DPP10: variants seen among roughly 807,000 people sequenced by gnomAD.
DPP10 encodes the protein dipeptidyl peptidase like 10.
Under a neutral mutation model 120.9 loss-of-function variants are expected in DPP10, and 33 were observed. The observed-to-expected ratio is 0.27, with a 90% CI of 0.21 to 0.37. The LOEUF is 0.37. Ranked by LOEUF, DPP10 falls within the 10% of genes least tolerant of loss-of-function variation. The pLI, the probability that DPP10 is intolerant of heterozygous loss-of-function variation, is 1.00. For missense variants in DPP10, 816 were observed against 942.8 expected, an observed-to-expected ratio of 0.87 and a Z score of 1.76; for synonymous variants, 337 against 326.1, an observed-to-expected ratio of 1.03 and a Z score of -0.36.
chr2:115,709,584 A>G (rs1482425316), intron 7 of DPP10, among the ~76,000 whole-genome samples: 1 of 150,188 alleles, frequency 6.7e-6, no homozygotes, highest in Non-Finnish European at 1.5e-5. Context: ...ATTAAAAAGA[A>G]GAAAATGGAC....
chr2:115,340,865 C>G (rs1389365159), intron 2 of DPP10, among the ~76,000 whole-genome samples: 1 of 151,754 alleles, frequency 6.6e-6, no homozygotes, highest in Non-Finnish European at 1.5e-5. Flanking sequence ...CCACCTTTAC[C>G]TATGTAAATT....
At chr2:115,697,871 G>T (rs551232902) in intron 7 of DPP10, among the ~76,000 whole-genome samples, 14 of 152,122 alleles carry the variant, frequency 9.2e-5, no homozygotes, top group Non-Finnish European at 1.9e-4. Context: ...TGTAGTCCCA[G>T]TTACTCTGAA....
intron 13 of DPP10, among the ~76,000 whole-genome samples, chr2:115,775,361 A>G (rs986700276): frequency 1.3e-5 from 2 of 152,072 alleles, no homozygotes; most frequent in Non-Finnish European, 2.9e-5. Flanking sequence ...TAACTTGGAC[A>G]GTTCCAAAGT....
At chr2:115,229,813 T>C (rs1427597594) in intron 1 of DPP10, among the ~76,000 whole-genome samples, 3 of 151,848 alleles carry the variant, frequency 2.0e-5, no homozygotes, top group African/African-American at 7.2e-5. Context: ...CTCTGAAGTA[T>C]AATTTGAAGT....
chr2:114,803,242 A>G (rs1684425273), intron 1 of DPP10, among the ~76,000 whole-genome samples: 1 of 152,234 alleles, frequency 6.6e-6, no homozygotes. Flanking sequence ...AGACCTCCCC[A>G]GCCATGTGGA....
intron 1 of DPP10, among the ~76,000 whole-genome samples, chr2:114,700,439 T>G (rs905556163): frequency 1.3e-5 from 2 of 152,078 alleles, no homozygotes; most frequent in African/African-American, 4.8e-5. Context: ...AGTAAAAATA[T>G]TTGTCAGGAA....
chr2:115,568,979 A>T (rs866854447), intron 5 of DPP10, among the ~76,000 whole-genome samples: 1 of 152,180 alleles, frequency 6.6e-6, no homozygotes, highest in African/African-American at 2.4e-5. Flanking sequence ...GATATGTGAT[A>T]GTCTTCCTTA....
intron 1 of DPP10, among the ~76,000 whole-genome samples, chr2:114,698,490 A>G (rs1700196928): frequency 6.6e-6 from 1 of 152,148 alleles, no homozygotes; most frequent in African/African-American, 2.4e-5. Context: ...ATTTTTAGCT[A>G]TTAACTTTTA....
At chr2:115,635,760 A>T (rs568317439) in intron 5 of DPP10, among the ~76,000 whole-genome samples, 2 of 152,290 alleles carry the variant, frequency 1.3e-5, no homozygotes, top group African/African-American at 4.8e-5. Flanking sequence ...GTCAGCACAT[A>T]ATTTTAGACA....
At chr2:114,690,621 A>T (rs1345914332) in intron 1 of DPP10, among the ~76,000 whole-genome samples, 1 of 152,142 alleles carries the variant, frequency 6.6e-6, no homozygotes, top group Non-Finnish European at 1.5e-5. Context: ...TCTGTGAAGA[A>T]TGTAAATGGT....
intron 1 of DPP10, among the ~76,000 whole-genome samples, chr2:114,681,440 T>A (rs1699018725): frequency 6.6e-6 from 1 of 151,992 alleles, no homozygotes; most frequent in Non-Finnish European, 1.5e-5. Context: ...AAAATAGCAT[T>A]TATCATCTAT....
chr2:114,491,709 C>T (rs1226589584), intron 1 of DPP10, among the ~76,000 whole-genome samples: 1 of 152,196 alleles, frequency 6.6e-6, no homozygotes, highest in Non-Finnish European at 1.5e-5. Flanking sequence ...CATAAAAATA[C>T]ATGCTCTCAA....
At chr2:115,186,067 A>G (rs1446357635) in intron 1 of DPP10, among the ~76,000 whole-genome samples, 1 of 152,246 alleles carries the variant, frequency 6.6e-6, no homozygotes, top group East Asian at 1.9e-4. Context: ...TGAACTTTTA[A>G]AAAGTCTATT....
chr2:115,184,835 G>A (rs926929282), intron 1 of DPP10, among the ~76,000 whole-genome samples: 4 of 152,144 alleles, frequency 2.6e-5, no homozygotes, highest in Admixed American at 6.5e-5. Context: ...TAATCTAGTA[G>A]AAGCTATTGT....
intron 1 of DPP10, among the ~76,000 whole-genome samples, chr2:115,244,966 C>T (rs1481415252): frequency 6.6e-6 from 1 of 151,818 alleles, no homozygotes; most frequent in Non-Finnish European, 1.5e-5. Context: ...TCAGTGTACC[C>T]AATGTATAGC....
chr2:115,443,826 T>A (rs989323199), intron 3 of DPP10, among the ~76,000 whole-genome samples: 15 of 152,194 alleles, frequency 9.9e-5, no homozygotes, highest in Non-Finnish European at 1.8e-4. Flanking sequence ...GTTTCTCAAC[T>A]TGAGCACTAT....
rs918403479 is a variant in DPP10 at position 115,837,496 on chromosome 2, A to G, written c.2182+750A>G. 1.1e-4 allele frequency among the ~76,000 whole-genome samples: 16 copies of G among 152,338 alleles called. No homozygotes were observed. In the South Asian group the frequency reaches 3.3e-3, roughly 32 times the overall value. ...TCTGGCAAGTGAGACAAGAAAGTCA[A>G]AGTCTTGAATCAATATTTCCTAAAT... On this transcript the variant is annotated intron_variant, in intron 24 of 25. Coordinates refer to ENST00000410059, the MANE Select transcript of DPP10 (RefSeq NM_020868.6).
chr2:115,041,657 C>T (rs1704654736), intron 1 of DPP10, among the ~76,000 whole-genome samples: 1 of 152,094 alleles, frequency 6.6e-6, no homozygotes, highest in Non-Finnish European at 1.5e-5. Flanking sequence ...ACAGTGGAGC[C>T]CATTCACTCT....
chr2:114,824,610 G>GTT (rs535502938), intron 1 of DPP10, among the ~76,000 whole-genome samples: 2 of 147,378 alleles, frequency 1.4e-5, no homozygotes, highest in African/African-American at 4.9e-5. Flanking sequence ...TTCCATGTTA[G>GTT]TTTTTTTTTT....
Sources: gnomAD v4.1 joint callset for allele counts (sites outside exome capture counted in the v4.1 genomes callset) on GRCh38, gnomAD v4.1.1 for gene constraint, MANE v1.5 for transcripts, NCBI Gene and HGNC (gene_info 2026-07-23, HGNC 2026-07-21) for gene names.